The following PPP2R2C variants were observed in gnomAD, a reference collection of about 807,000 sequenced individuals.
PPP2R2C encodes the protein protein phosphatase 2, regulatory subunit B, gamma.
In PPP2R2C, 10 loss-of-function variants were observed where a neutral mutation model predicts 45.3. The ratio of observed to expected loss-of-function variants is 0.22; its 90% confidence interval spans 0.14 to 0.37. PPP2R2C has a LOEUF of 0.37. Ranked by LOEUF, PPP2R2C falls within the 10% of genes least tolerant of loss-of-function variation. PPP2R2C has a pLI of 1.00. For synonymous variants in PPP2R2C, 257 were observed against 245.4 expected (o/e 1.05, Z -0.44); for missense variants, 308 against 619.7 (o/e 0.50, Z 5.34).
At chr4:6,510,183 T>A (rs994604496) in intron 2 of PPP2R2C, among the ~76,000 whole-genome samples, 1 of 152,148 alleles carries the variant, frequency 6.6e-6, no homozygotes, top group Non-Finnish European at 1.5e-5. Context: ...CCATCTTACA[T>A]GGAGTAAGCC....
intron 1 of PPP2R2C, among the ~76,000 whole-genome samples, chr4:6,386,087 C>G (rs1716186577): frequency 6.6e-6 from 1 of 152,238 alleles, no homozygotes; most frequent in Admixed American, 6.5e-5. Flanking sequence ...CAGCAACTCT[C>G]TCACAGATAA....
chr4:6,397,598 G>C (rs1213568653), intron 1 of PPP2R2C, among the ~76,000 whole-genome samples: 1 of 94,398 alleles, frequency 1.1e-5, no homozygotes, highest in Admixed American at 1.0e-4. Context: ...TACCAGGAAT[G>C]GTTGGAACCC....
At chr4:6,506,683 C>G (rs1185495504) in intron 2 of PPP2R2C, among the ~76,000 whole-genome samples, 10 of 152,236 alleles carry the variant, frequency 6.6e-5, no homozygotes, top group Admixed American at 6.5e-4. Context: ...TCATTACCAT[C>G]TGCTATAGTG....
upstream of PPP2R2C, among the ~76,000 whole-genome samples, chr4:6,477,189 A>G (rs1198887225): frequency 6.6e-6 from 1 of 152,306 alleles, no homozygotes; most frequent in East Asian, 1.9e-4. Context: ...CAGGGGTTGC[A>G]GTGAGCCAGG....
rs1715511126 is a variant in PPP2R2C at position 6,378,343 on chromosome 4, A to T, written c.334+64T>A. ...TGCTCACAATATAAGTGAAATACAAACCAGCATTTGGTAGAAACATCTACG... is the reference window on the plus strand; with the variant it reads ...TGCTCACAATATAAGTGAAATACAATCCAGCATTTGGTAGAAACATCTACG... On this transcript the variant is annotated intron_variant, in intron 3 of 8. Transcript: ENST00000382599. The surrounding 1 kb of genome is among the most constrained non-coding windows in gnomAD (Gnocchi z 5.2). The T allele has an allele frequency of 1.9e-6, 3 of 1,607,332 alleles. No individual in the cohort carries two copies. In the African/African-American group the frequency reaches 4.0e-5, roughly 22 times the overall value.
intron 5 of PPP2R2C, among the ~76,000 whole-genome samples, chr4:6,356,521 C>T (rs1212051990): frequency 4.6e-5 from 7 of 152,214 alleles, no homozygotes; most frequent in African/African-American, 1.4e-4. Context: ...CCAGCTCTGC[C>T]GCTTGCTAGC....
At chr4:6,349,460 G>A in intron 5 of PPP2R2C, 1 of 984,892 alleles carries the variant, frequency 1.0e-6, no homozygotes, top group Non-Finnish European at 1.2e-6. Context: ...AGAGCTCAAT[G>A]AATGTCAGTT....
rs34977601 is a variant in PPP2R2C at position 6,479,733 on chromosome 4, CT to C, written c.49+55537del. On this transcript the variant is annotated intron_variant, in intron 2 of 9. Transcript: ENST00000506140. ...TGTTTTTACATAATCATGATCAGACCTTTTTTTTTTTGTATTTTATTTGTTT... is the reference window on the plus strand; with the variant it reads ...TGTTTTTACATAATCATGATCAGACCTTTTTTTTTTGTATTTTATTTGTTT... Among the ~76,000 whole-genome samples the C allele has an allele frequency of 5.2e-3, 766 of 146,174 alleles. 3 individuals carry two copies. The highest frequency in any genetic ancestry group is 0.016 in the African/African-American group (639 of 39,684).
intron 1 of PPP2R2C, chr4:6,381,366 A>T: frequency 6.7e-7 from 1 of 1,488,804 alleles, no homozygotes; most frequent in South Asian, 1.2e-5. Context: ...GGCAGACTTT[A>T]TAGTAACTGG....
intron 1 of PPP2R2C, among the ~76,000 whole-genome samples, chr4:6,444,441 C>T (rs1180587337): frequency 6.6e-6 from 1 of 152,146 alleles, no homozygotes; most frequent in Non-Finnish European, 1.5e-5. Context: ...AAGACTGAGG[C>T]CCCAGATCCC....
intron 2 of PPP2R2C, among the ~76,000 whole-genome samples, chr4:6,490,112 C>T (rs1047152657): frequency 2.6e-5 from 4 of 152,188 alleles, no homozygotes; most frequent in Admixed American, 2.0e-4. Context: ...CCGTCCCTCC[C>T]ACCAGCTGGT....
chr4:6,488,209 A>G (rs1383797469), intron 2 of PPP2R2C, among the ~76,000 whole-genome samples: 1 of 152,222 alleles, frequency 6.6e-6, no homozygotes, highest in Non-Finnish European at 1.5e-5. Flanking sequence ...ATTCTGGATC[A>G]GTCTTAACTG....
chr4:6,367,966 T>C (rs1714476020), intron 5 of PPP2R2C, among the ~76,000 whole-genome samples: 1 of 152,214 alleles, frequency 6.6e-6, no homozygotes, highest in Non-Finnish European at 1.5e-5. Context: ...CACACACTCC[T>C]CTATCACTAA....
intron 4 of PPP2R2C, among the ~76,000 whole-genome samples, chr4:6,373,198 G>T (rs1313594886): frequency 6.6e-6 from 1 of 152,230 alleles, no homozygotes; most frequent in Non-Finnish European, 1.5e-5. Flanking sequence ...CCACCTGGAA[G>T]GTGAGGACCC....
upstream of PPP2R2C, among the ~76,000 whole-genome samples, chr4:6,476,097 G>A (rs1405916203): frequency 6.6e-6 from 1 of 152,246 alleles, no homozygotes; most frequent in Non-Finnish European, 1.5e-5. Context: ...CCAGAACTGG[G>A]AGGAAGTACA....
At chr4:6,554,565 T>C (rs1276406171) in intron 1 of PPP2R2C, among the ~76,000 whole-genome samples, 3 of 152,066 alleles carry the variant, frequency 2.0e-5, no homozygotes, top group Non-Finnish European at 4.4e-5. Flanking sequence ...ATAACAGAAA[T>C]TGATTGCTCA....
At chr4:6,466,897 C>T (rs571827844) in intron 1 of PPP2R2C, among the ~76,000 whole-genome samples, 1 of 152,304 alleles carries the variant, frequency 6.6e-6, no homozygotes, top group Non-Finnish European at 1.5e-5. Context: ...GAGCACATTG[C>T]TTACAGCAGG....
chr4:6,348,266 C>G (rs78332456), intron 5 of PPP2R2C, among the ~76,000 whole-genome samples: 4,100 of 151,868 alleles, frequency 0.027, 211 homozygotes, highest in African/African-American at 0.095. Context: ...TGACCTGCGG[C>G]CCCCCTCACC....
chr4:6,548,292 C>A (rs548254290), intron 1 of PPP2R2C, among the ~76,000 whole-genome samples: 47 of 152,262 alleles, frequency 3.1e-4, no homozygotes. Context: ...GGCTAACACT[C>A]AGCCTCTCTG....
Sources: gnomAD v4.1 joint callset for allele counts (sites outside exome capture counted in the v4.1 genomes callset) on GRCh38, gnomAD v4.1.1 for gene constraint, Gnocchi (gnomAD v3.1) non-coding constraint, MANE v1.5 for transcripts, NCBI Gene and HGNC (gene_info 2026-07-23, HGNC 2026-07-21) for gene names.